Variants in MGAT4C observed in about 807,000 individuals in gnomAD.
MGAT4C encodes the protein MGAT4 family member C.
MGAT4C carries 19 observed loss-of-function variants against 40.1 expected under a neutral mutation model. The ratio of observed to expected loss-of-function variants is 0.47; its 90% CI spans 0.33 to 0.70. MGAT4C has a LOEUF of 0.70. Among genes scored for constraint, MGAT4C ranks in the 30% least tolerant of loss-of-function variants. The pLI is 0.02. For synonymous variants in MGAT4C, 181 were observed against 187.1 expected (o/e 0.97, Z 0.27); for missense variants, 491 against 563.2 (o/e 0.87, Z 1.30).
At chr12:85,980,451 G>A in intron 4 of MGAT4C, 21 bp from the exon 5 acceptor site, 1 of 1,548,026 alleles carries the variant, frequency 6.5e-7, no homozygotes, top group Non-Finnish European at 8.7e-7. Flanking sequence ...GAATTCAGAA[G>A]CAATACAAAT....
Position 86,411,400 on chromosome 12 carries a change from A to T in MGAT4C, c.-120+23757T>A, listed in dbSNP as rs150822876. Reference sequence around the variant, plus strand: ...GTTGAAAATGAGAAACTTATTGAAAACTGGAGTAAAGACAACTCTTACTAC... The same window carrying T: ...GTTGAAAATGAGAAACTTATTGAAATCTGGAGTAAAGACAACTCTTACTAC... On this transcript the variant is annotated intron_variant, in intron 3 of 7. Transcript: ENST00000548651. Among the ~76,000 whole-genome samples the T allele has an allele frequency of 8.0e-3, 1,216 of 152,300 alleles. 8 individuals carry two copies. The highest frequency in any genetic ancestry group is 0.014 in the Middle Eastern group (4 of 294).
At chr12:85,994,741 G>C (rs1886417508) in intron 2 of MGAT4C, among the ~76,000 whole-genome samples, 1 of 152,150 alleles carries the variant, frequency 6.6e-6, no homozygotes, top group African/African-American at 2.4e-5. Context: ...AGGGAGAACA[G>C]ACTCCGGGAT....
intron 3 of MGAT4C, among the ~76,000 whole-genome samples, chr12:86,398,560 A>C (rs1235936569): frequency 6.6e-6 from 1 of 151,862 alleles, no homozygotes; most frequent in Non-Finnish European, 1.5e-5. Flanking sequence ...ATTCTTGTCC[A>C]TGGTTCCTGA....
At chr12:86,227,106 C>T (rs1201248852) in intron 1 of MGAT4C, among the ~76,000 whole-genome samples, 2 of 151,916 alleles carry the variant, frequency 1.3e-5, no homozygotes, top group African/African-American at 2.4e-5. Context: ...CAGACTTTAT[C>T]TAAATCATCT....
chr12:85,986,675 A>G (rs1885234709), intron 3 of MGAT4C, among the ~76,000 whole-genome samples: 1 of 152,236 alleles, frequency 6.6e-6, no homozygotes, highest in South Asian at 2.1e-4. Context: ...TTAAAAAAGG[A>G]AGACAAAAAA....
chr12:86,660,542 T>G (rs1384142189), intron 2 of MGAT4C, among the ~76,000 whole-genome samples: 2 of 152,144 alleles, frequency 1.3e-5, no homozygotes, highest in East Asian at 3.9e-4. Context: ...GGATACAGAT[T>G]TTTAAATTTT....
At chr12:86,461,236 C>CTTTT (rs1182920834) in intron 2 of MGAT4C, among the ~76,000 whole-genome samples, 18 of 132,676 alleles carry the variant, frequency 1.4e-4, no homozygotes, top group South Asian at 2.4e-4. Flanking sequence ...TACACATCTT[C>CTTTT]TTTTTTTTTT....
chr12:86,351,084 T>C (rs1955149930), intron 3 of MGAT4C, among the ~76,000 whole-genome samples: 1 of 151,950 alleles, frequency 6.6e-6, no homozygotes, highest in Non-Finnish European at 1.5e-5. Context: ...TTCTCTAGTA[T>C]ACAGCAGTAA....
intron 2 of MGAT4C, among the ~76,000 whole-genome samples, chr12:86,699,909 G>A (rs569238622): frequency 8.4e-4 from 128 of 152,062 alleles, no homozygotes; most frequent in African/African-American, 2.9e-3. Context: ...GGCAAAAGAG[G>A]TGGAGGAGGT....
At chr12:86,205,059 T>C (rs1950200005) in intron 1 of MGAT4C, among the ~76,000 whole-genome samples, 1 of 151,996 alleles carries the variant, frequency 6.6e-6, no homozygotes, top group Admixed American at 6.5e-5. Flanking sequence ...AGTAACTCTA[T>C]TCTACATGTA....
At chr12:86,697,994 A>T (rs1371196066) in intron 2 of MGAT4C, among the ~76,000 whole-genome samples, 1 of 152,126 alleles carries the variant, frequency 6.6e-6, no homozygotes, top group African/African-American at 2.4e-5. Flanking sequence ...TTACCCAATC[A>T]GTACTCTGTT....
intron 3 of MGAT4C, among the ~76,000 whole-genome samples, chr12:86,338,874 G>A (rs1002477278): frequency 6.4e-5 from 9 of 139,768 alleles, no homozygotes; most frequent in Admixed American, 4.1e-4. Flanking sequence ...TATAAGAACC[G>A]CTTGAACCCA....
At chr12:86,417,695 T>A (rs537397591) in intron 3 of MGAT4C, among the ~76,000 whole-genome samples, 134 of 152,210 alleles carry the variant, frequency 8.8e-4, no homozygotes, top group Non-Finnish European at 1.4e-3. Context: ...ATAGGCAGTA[T>A]TTGCAATATG....
At chr12:86,289,427 T>G (rs548614833) in intron 4 of MGAT4C, among the ~76,000 whole-genome samples, 1 of 152,198 alleles carries the variant, frequency 6.6e-6, no homozygotes, top group Non-Finnish European at 1.5e-5. Flanking sequence ...AATTTTTTTT[T>G]TCAAGTTATC....
intron 2 of MGAT4C, among the ~76,000 whole-genome samples, chr12:86,686,948 T>C (rs1194090305): frequency 2.0e-5 from 3 of 152,224 alleles, no homozygotes; most frequent in Admixed American, 6.5e-5. Flanking sequence ...AATTTGGCTG[T>C]GAATCCGTCT....
intron 1 of MGAT4C, among the ~76,000 whole-genome samples, chr12:86,820,665 A>G (rs946643384): frequency 9.3e-5 from 14 of 150,814 alleles, no homozygotes; most frequent in African/African-American, 3.1e-4. Context: ...TAATAAAGTG[A>G]TACATAGATT....
chr12:86,677,622 T>C (rs568898601), intron 2 of MGAT4C, among the ~76,000 whole-genome samples: 6 of 152,264 alleles, frequency 3.9e-5, no homozygotes, highest in Admixed American at 1.3e-4. Context: ...GATCTCAGTA[T>C]TCAAAGGGAA....
chr12:86,466,940 G>A (rs1486920283), intron 2 of MGAT4C, among the ~76,000 whole-genome samples: 1 of 152,008 alleles, frequency 6.6e-6, no homozygotes, highest in Non-Finnish European at 1.5e-5. Flanking sequence ...TTACTAATCT[G>A]CTGGTATTTA....
intron 2 of MGAT4C, among the ~76,000 whole-genome samples, chr12:85,997,951 C>T (rs915554726): frequency 1.3e-5 from 2 of 152,226 alleles, no homozygotes; most frequent in African/African-American, 4.8e-5. Context: ...TCTGACCCCA[C>T]ATTTCCCTTC....
Sources: gnomAD v4.1 joint callset for allele counts (sites outside exome capture counted in the v4.1 genomes callset) on GRCh38, gnomAD v4.1.1 for gene constraint, MANE v1.5 for transcripts, NCBI Gene and HGNC (gene_info 2026-07-23, HGNC 2026-07-21) for gene names.